The following RBFOX1 variants were observed in gnomAD, a reference collection of about 807,000 sequenced individuals.
The protein encoded by RBFOX1 is RNA binding fox-1 homolog 1.
RBFOX1 carries 8 observed loss-of-function variants against 57.7 expected under a neutral mutation model. The observed-to-expected ratio is 0.14, with a 90% confidence interval of 0.08 to 0.25. The LOEUF is 0.25. Among genes scored for constraint, RBFOX1 ranks in the 10% least tolerant of loss-of-function variants. The probability of loss-of-function intolerance (pLI) is 1.00; values close to 1 mark genes in which losing one functional copy is unlikely to be tolerated. For synonymous variants in RBFOX1, 326 were observed against 222.4 expected, an observed-to-expected ratio of 1.47 and a Z score of -4.15; for missense variants, 611 against 548.5, an observed-to-expected ratio of 1.11 and a Z score of -1.14.
At chr16:7,429,172 T>A (rs2098654020) in intron 4 of RBFOX1, among the ~76,000 whole-genome samples, 1 of 152,166 alleles carries the variant, frequency 6.6e-6, no homozygotes, top group Non-Finnish European at 1.5e-5. Context: ...TATAATCTTG[T>A]GAACCAGAGC....
chr16:5,788,763 T>C (rs556349448), intron 3 of RBFOX1, among the ~76,000 whole-genome samples: 94 of 152,124 alleles, frequency 6.2e-4, no homozygotes, highest in African/African-American at 2.2e-3. Flanking sequence ...ACACACAGCA[T>C]CCCGAGAGTG....
chr16:6,385,532 G>T lies in RBFOX1; in HGVS notation c.-64+68475G>T, dbSNP rs777041631. 1.1e-3 allele frequency among the ~76,000 whole-genome samples: 172 copies of T among 152,142 alleles called. 1 individual carries two copies. The highest frequency in any genetic ancestry group is 4.0e-3 in the African/African-American group (165 of 41,440). ...GCACCACCACACCCGGATAATTTTT[G>T]TATTTTTAGCAGAGACAGGGTTTTA... is the stretch of plus-strand genomic sequence containing the variant. On this transcript the variant is annotated intron_variant, in intron 2 of 15. Coordinates refer to ENST00000550418, the MANE Select transcript of RBFOX1 (RefSeq NM_018723.4).
intron 1 of RBFOX1, among the ~76,000 whole-genome samples, chr16:5,391,521 G>T (rs2066407057): frequency 1.3e-5 from 2 of 152,070 alleles, no homozygotes; most frequent in Non-Finnish European, 2.9e-5. Context: ...CCCATTTTAA[G>T]GTCAGCAGCC....
At position 7,585,566 on chromosome 16, in the gene RBFOX1, G is replaced by A. The variant is rs190857889; in HGVS notation, c.415-1681G>A. ...AAATATGTGCGTCTGTGATTCCCCC[G>A]GCTGTATAGTGTATGGGTCCTGAGG... On this transcript the variant is annotated intron_variant, in intron 6 of 15. Transcript: ENST00000550418. 5.7e-4 allele frequency among the ~76,000 whole-genome samples: 87 copies of A among 152,202 alleles called. No homozygotes were observed. In the Middle Eastern group the frequency reaches 0.01, roughly 18 times the overall value.
At chr16:6,378,954 T>G (rs1460621910) in intron 2 of RBFOX1, among the ~76,000 whole-genome samples, 1 of 151,986 alleles carries the variant, frequency 6.6e-6, no homozygotes, top group East Asian at 1.9e-4. Context: ...GGATTGGCCC[T>G]GGAAAAAGAA....
intron 2 of RBFOX1, among the ~76,000 whole-genome samples, chr16:6,542,270 G>C (rs752987551): frequency 9.2e-5 from 14 of 151,856 alleles, no homozygotes; most frequent in Non-Finnish European, 1.9e-4. Context: ...AGCCATTCCT[G>C]ACCAGAGGTC....
chr16:5,828,688 CA>C (rs771587431), intron 3 of RBFOX1, among the ~76,000 whole-genome samples: 2 of 146,390 alleles, frequency 1.4e-5, no homozygotes, highest in Non-Finnish European at 3.0e-5. Context: ...AGCGAGACTC[CA>C]AAAAAGAAAA....
At chr16:6,367,856 G>C (rs1436203877) in intron 2 of RBFOX1, among the ~76,000 whole-genome samples, 1 of 152,052 alleles carries the variant, frequency 6.6e-6, no homozygotes, top group Non-Finnish European at 1.5e-5. Context: ...TCTTCCCCCA[G>C]TTAATGGGGT....
chr16:6,510,316 TG>T (rs2096227093), intron 2 of RBFOX1, among the ~76,000 whole-genome samples: 2 of 152,144 alleles, frequency 1.3e-5, no homozygotes. Context: ...GAAGTGTTTT[TG>T]AGATTTGAAC....
intron 4 of RBFOX1, among the ~76,000 whole-genome samples, chr16:7,084,163 A>G (rs1012358993): frequency 6.6e-6 from 1 of 152,228 alleles, no homozygotes; most frequent in Non-Finnish European, 1.5e-5. Flanking sequence ...GGTAAACAGG[A>G]GAGCATGATT....
intron 3 of RBFOX1, among the ~76,000 whole-genome samples, chr16:6,908,600 C>G (rs907130492): frequency 1.3e-5 from 2 of 152,168 alleles, no homozygotes; most frequent in Admixed American, 1.3e-4. Context: ...GTGCTGAACC[C>G]CCGTGATTTA....
At chr16:7,493,164 G>C (rs989211870) in intron 4 of RBFOX1, among the ~76,000 whole-genome samples, 1 of 152,180 alleles carries the variant, frequency 6.6e-6, no homozygotes, top group Non-Finnish European at 1.5e-5. Flanking sequence ...CAGGCGTGAA[G>C]CCACTGTGCG....
At chr16:5,366,173 C>G in intron 1 of RBFOX1, 1 of 421,040 alleles carries the variant, frequency 2.4e-6, no homozygotes. Flanking sequence ...AGTCAGAAGA[C>G]GAAGACAAAG....
At chr16:6,903,027 A>G (rs1257332565) in intron 3 of RBFOX1, among the ~76,000 whole-genome samples, 1 of 152,146 alleles carries the variant, frequency 6.6e-6, no homozygotes, top group African/African-American at 2.4e-5. Flanking sequence ...AAATGAGATG[A>G]CTGCTCCTGT....
intron 2 of RBFOX1, among the ~76,000 whole-genome samples, chr16:6,360,817 AGTT>A (rs1277306414): frequency 5.9e-5 from 9 of 152,156 alleles, no homozygotes; most frequent in Non-Finnish European, 1.3e-4. Flanking sequence ...GCTTTTACAT[AGTT>A]ATCATTGTGA....
intron 2 of RBFOX1, among the ~76,000 whole-genome samples, chr16:6,336,279 A>G (rs1205017094): frequency 7.4e-6 from 1 of 134,404 alleles, no homozygotes; most frequent in Non-Finnish European, 1.5e-5. Flanking sequence ...GCTCACTGCA[A>G]GCTCCGCCTC....
intron 4 of RBFOX1, among the ~76,000 whole-genome samples, chr16:7,059,346 G>C (rs1742656951): frequency 6.6e-6 from 1 of 152,128 alleles, no homozygotes; most frequent in Non-Finnish European, 1.5e-5. Flanking sequence ...ATAATTTTAG[G>C]ATGGTTCGTT....
chr16:5,759,665 C>T (rs957501521), intron 3 of RBFOX1, among the ~76,000 whole-genome samples: 1 of 152,208 alleles, frequency 6.6e-6, no homozygotes, highest in African/African-American at 2.4e-5. Context: ...GATCTCCTTT[C>T]CTGTCTGAAT....
chr16:6,353,895 T>G (rs536052018), intron 2 of RBFOX1, among the ~76,000 whole-genome samples: 2 of 152,306 alleles, frequency 1.3e-5, no homozygotes, highest in Admixed American at 6.5e-5. Context: ...AACTTGTTCA[T>G]GTCTTCTTTT....
Sources: gnomAD v4.1 joint callset for allele counts (sites outside exome capture counted in the v4.1 genomes callset) on GRCh38, gnomAD v4.1.1 for gene constraint, MANE v1.5 for transcripts, NCBI Gene and HGNC (gene_info 2026-07-23, HGNC 2026-07-21) for gene names.